Variants in JPT1 observed in about 807,000 individuals in gnomAD.
JPT1 encodes the protein Jupiter microtubule associated homolog 1.
JPT1 carries 5 observed loss-of-function variants against 17.0 expected under a neutral mutation model. The observed-to-expected ratio is 0.29, with a 90% CI of 0.15 to 0.62. The LOEUF is 0.62. Ranked by LOEUF, JPT1 falls within the 20% of genes least tolerant of loss-of-function variation. The pLI, the probability that JPT1 is intolerant of heterozygous loss-of-function variation, is 0.85. For synonymous variants in JPT1, 71 were observed against 73.6 expected (o/e 0.96, Z 0.18); for missense variants, 158 against 188.1 (o/e 0.84, Z 0.94).
chr17:75,148,520 CAA>C lies in JPT1; in HGVS notation c.199+7_199+8del, dbSNP rs749968102. ...CCCTTTGAACAGTGAGCACAGATAA[CAA>C]GAGTACCTGCTGACTTGGCCCAAGA... On this transcript the variant is annotated splice_region_variant and intron_variant, in intron 2 of 4. Transcript: ENST00000409753. 3 of 1,614,026 alleles carry C rather than the reference CAA, an allele frequency of 1.9e-6. No individual in the cohort carries two copies. The highest frequency in any genetic ancestry group is 2.5e-6 in the Non-Finnish European group (3 of 1,179,982).
intron 1 of JPT1, among the ~76,000 whole-genome samples, chr17:75,151,204 G>T (rs1275069775): frequency 6.6e-6 from 1 of 151,992 alleles, no homozygotes; most frequent in Non-Finnish European, 1.5e-5. Context: ...GTGGTGATGT[G>T]AACCTGTAAT....
chr17:75,146,042 C>T (rs775178590), intron 4 of JPT1, among the ~76,000 whole-genome samples: 2 of 152,074 alleles, frequency 1.3e-5, no homozygotes, highest in Non-Finnish European at 2.9e-5. Context: ...TTGCCTACTG[C>T]ACTCCAGCCT....
chr17:75,143,443 C>T (rs1427224122), intron 4 of JPT1, among the ~76,000 whole-genome samples: 2 of 152,128 alleles, frequency 1.3e-5, no homozygotes, highest in African/African-American at 2.4e-5. Flanking sequence ...CCTGTAATCT[C>T]AGCTACTCAG....
chr17:75,140,893 C>A (rs534846102), intron 4 of JPT1, among the ~76,000 whole-genome samples: 3 of 152,098 alleles, frequency 2.0e-5, no homozygotes, highest in Non-Finnish European at 4.4e-5. Flanking sequence ...AGTTCGAGAC[C>A]GGCCTGGGCA....
At chr17:75,138,780 C>T (rs902828953) in intron 4 of JPT1, among the ~76,000 whole-genome samples, 1 of 152,160 alleles carries the variant, frequency 6.6e-6, no homozygotes, top group Admixed American at 6.6e-5. Context: ...AACAAACCTC[C>T]CTCTTCTGTG....
chr17:75,154,399 G>A lies in JPT1; in HGVS notation c.-2C>T, dbSNP rs1384779527. 1.3e-6 allele frequency: 2 copies of A among 1,548,608 alleles called. No homozygotes were observed. The highest frequency in any genetic ancestry group is 2.4e-5 in the South Asian group (2 of 83,896). On this transcript the variant is annotated 5_prime_UTR_variant, in exon 1 of 5. Coordinates refer to ENST00000409753, the MANE Select transcript of JPT1 (RefSeq NM_016185.4). ...CTTGAAGGTGGTGGTTGTGGTCATGGCGCCGAGGAGCGAGGTAGGCTGGCG... is the reference window on the plus strand; with the variant it reads ...CTTGAAGGTGGTGGTTGTGGTCATGACGCCGAGGAGCGAGGTAGGCTGGCG...
intron 2 of JPT1, 127 bp from the exon 3 acceptor site, chr17:75,147,780 C>T (rs2074468602): frequency 1.5e-6 from 1 of 680,348 alleles, no homozygotes; most frequent in South Asian, 1.7e-5. Flanking sequence ...GGGCAGATCA[C>T]CTGAGGTCAG....
At position 75,136,012 on chromosome 17, in the gene JPT1, A is replaced by G. The variant is rs2074187078; in HGVS notation, c.*90T>C. ...ATAAAGTGCTTCTTTTTAATGAAAC[A>G]AATCCAAGAGATGTACAGTCAGGCT... On this transcript the variant is annotated 3_prime_UTR_variant, in exon 5 of 5. Coordinates refer to ENST00000409753, the MANE Select transcript of JPT1 (RefSeq NM_016185.4). 1.2e-6 allele frequency: 2 copies of G among 1,609,810 alleles called. No individual in the cohort carries two copies. Among genetic ancestry groups the G allele is most frequent in the Non-Finnish European group, 8.5e-7 (1 of 1,177,876 alleles).
chr17:75,151,732 G>A (rs1358457479), intron 1 of JPT1, among the ~76,000 whole-genome samples: 1 of 152,110 alleles, frequency 6.6e-6, no homozygotes, highest in Admixed American at 6.5e-5. Context: ...CACTTTGGGA[G>A]GCCGAGGCGG....
At chr17:75,146,435 G>C (rs2074436377) in intron 4 of JPT1, 2 of 439,936 alleles carry the variant, frequency 4.5e-6, no homozygotes, top group Admixed American at 8.5e-5. Flanking sequence ...TTACAGGCGT[G>C]AGCCACCATG....
intron 4 of JPT1, among the ~76,000 whole-genome samples, chr17:75,144,339 C>T (rs961118321): frequency 5.3e-5 from 8 of 151,840 alleles, no homozygotes; most frequent in African/African-American, 1.9e-4. Flanking sequence ...AGTGAGACCA[C>T]ATCTCTACAA....
intron 1 of JPT1, among the ~76,000 whole-genome samples, chr17:75,149,680 A>T (rs1422348854): frequency 6.6e-6 from 1 of 152,134 alleles, no homozygotes; most frequent in Admixed American, 6.6e-5. Flanking sequence ...AAAAGTAAAT[A>T]AATTTTAAAA....
In JPT1 at chr17:75,148,577, T is replaced by C; in HGVS notation, c.151A>G (p.Ile51Val). The C allele has an allele frequency of 6.2e-7, 1 of 1,614,182 alleles. No homozygotes were observed. ...TGATTTTCTTCAGGTGTCCCAAAGATATTAGAGGCCATTTTGTTCTTCCTC... is the reference window on the plus strand; with the variant it reads ...TGATTTTCTTCAGGTGTCCCAAAGACATTAGAGGCCATTTTGTTCTTCCTC... The part of the protein sequence containing the change: ...PVRKNKMASN[I>V]FGTPEENQAS... The change falls in exon 2 of 5, where the codon ATC becomes GTC. Residue 51 changes from isoleucine to valine, a missense_variant. Coordinates refer to ENST00000409753, the MANE Select transcript of JPT1 (RefSeq NM_016185.4).
intron 4 of JPT1, among the ~76,000 whole-genome samples, chr17:75,138,982 G>A (rs1390882218): frequency 6.6e-6 from 1 of 152,096 alleles, no homozygotes; most frequent in Admixed American, 6.6e-5. Flanking sequence ...AATGACAACT[G>A]TCACAATTAT....
At chr17:75,150,071 A>G (rs952081699) in intron 1 of JPT1, among the ~76,000 whole-genome samples, 1 of 152,298 alleles carries the variant, frequency 6.6e-6, no homozygotes, top group Admixed American at 6.5e-5. Flanking sequence ...GGTCTATATC[A>G]GTGTTCCTTT....
intron 1 of JPT1, chr17:75,149,240 C>A: frequency 2.7e-6 from 1 of 373,424 alleles, no homozygotes; most frequent in Admixed American, 3.3e-5. Flanking sequence ...CCTGTGGTCC[C>A]AGCTACACTG....
chr17:75,148,467 C>T (rs1463400409), intron 2 of JPT1, 62 bp downstream of exon 2: 2 of 1,578,072 alleles, frequency 1.3e-6, no homozygotes, highest in Non-Finnish European at 1.7e-6. Flanking sequence ...GCCCAAGCTG[C>T]ATCTGTGGCT....
intron 4 of JPT1, among the ~76,000 whole-genome samples, chr17:75,136,933 T>C (rs2074210059): frequency 6.6e-6 from 1 of 152,254 alleles, no homozygotes; most frequent in Non-Finnish European, 1.5e-5. Context: ...TTTATGTATA[T>C]TTACATGTAG....
intron 1 of JPT1, 80 bp downstream of exon 1, chr17:75,154,262 G>C: frequency 3.4e-6 from 4 of 1,176,794 alleles, no homozygotes; most frequent in Non-Finnish European, 4.5e-6. Context: ...TACCCGCAAC[G>C]ACCGGCGCGA....
Sources: gnomAD v4.1 joint callset for allele counts (sites outside exome capture counted in the v4.1 genomes callset) on GRCh38, gnomAD v4.1.1 for gene constraint, MANE v1.5 for transcripts, NCBI Gene and HGNC (gene_info 2026-07-23, HGNC 2026-07-21) for gene names.